The following PHKB variants were observed in gnomAD, a reference collection of about 807,000 sequenced individuals.
The protein encoded by PHKB is phosphorylase kinase regulatory subunit beta.
Under a neutral mutation model 152.1 loss-of-function variants are expected in PHKB, and 122 were observed. The ratio of observed to expected loss-of-function variants is 0.80; its 90% CI spans 0.69 to 0.93. The LOEUF (loss-of-function observed/expected upper bound fraction) is 0.93, where lower values mean the gene tolerates loss of function less well. Among genes scored for constraint, PHKB ranks in the 40% least tolerant of loss-of-function variants. PHKB has a pLI of 0.00. For missense variants in PHKB, 1,304 were observed against 1,328.4 expected (o/e 0.98, Z 0.29); for synonymous variants, 436 against 464.9 (o/e 0.94, Z 0.80).
intron 7 of PHKB, among the ~76,000 whole-genome samples, chr16:47,558,135 C>CG (rs1567305737): frequency 6.8e-6 from 1 of 148,038 alleles, no homozygotes. Flanking sequence ...ATCGCAAGGA[C>CG]AAAAAACCAA....
rs997095640 is a variant in PHKB, at chr16:47,617,384, A to G, written c.1458+6464A>G. 2.0e-5 allele frequency among the ~76,000 whole-genome samples: 3 copies of G among 151,776 alleles called. No individual in the cohort carries two copies. The East Asian group carries it at 5.8e-4, about 29-fold the overall frequency. On this transcript the variant is annotated intron_variant, in intron 14 of 30. Coordinates refer to ENST00000323584, the MANE Select transcript of PHKB (RefSeq NM_000293.3). The stretch of plus-strand genomic sequence containing the variant: ...CATTGTAGCTATTGCCTCTATGTAT[A>G]TGAAAACCTTTTTTATCATCCTCAA...
At chr16:47,532,731 G>C (rs762608683) in intron 6 of PHKB, among the ~76,000 whole-genome samples, 5 of 152,372 alleles carry the variant, frequency 3.3e-5, no homozygotes, top group South Asian at 2.1e-4. Flanking sequence ...ACCCCAAAGA[G>C]GGAGTCAGCC....
intron 10 of PHKB, among the ~76,000 whole-genome samples, chr16:47,592,423 ATACTGAATTGCTGGTAGATTCTTT>A (rs1972044236): frequency 6.6e-6 from 1 of 152,222 alleles, no homozygotes; most frequent in Non-Finnish European, 1.5e-5. Context: ...TATTGCAGAA[ATACTGAATTGCTGGTAGATTCTTT>A]AACATACTTT....
intron 29 of PHKB, among the ~76,000 whole-genome samples, chr16:47,697,902 G>C (rs1393766671): frequency 6.6e-6 from 1 of 152,212 alleles, no homozygotes; most frequent in Non-Finnish European, 1.5e-5. Context: ...ACAGGGGTCA[G>C]AGTTAAACAT....
intron 16 of PHKB, among the ~76,000 whole-genome samples, chr16:47,647,278 C>T (rs1973147360): frequency 6.6e-6 from 1 of 152,018 alleles, no homozygotes; most frequent in African/African-American, 2.4e-5. Flanking sequence ...CATGTGTCAC[C>T]ACGCCCGGCT....
intron 6 of PHKB, among the ~76,000 whole-genome samples, chr16:47,533,477 G>A (rs1382865632): frequency 6.6e-6 from 1 of 152,194 alleles, no homozygotes; most frequent in East Asian, 1.9e-4. Flanking sequence ...AGGGCCTGCA[G>A]GCCAGTGCCA....
intron 14 of PHKB, chr16:47,618,996 G>C (rs185496892): frequency 5.9e-5 from 9 of 152,314 alleles, no homozygotes; most frequent in Admixed American, 3.9e-4. Flanking sequence ...CCAGAGAATA[G>C]AAGTGATAGA....
intron 23 of PHKB, among the ~76,000 whole-genome samples, chr16:47,662,335 A>G (rs1394553656): frequency 6.6e-6 from 1 of 152,214 alleles, no homozygotes; most frequent in Non-Finnish European, 1.5e-5. Context: ...TCACACTTGC[A>G]TGTGGAGTCA....
At chr16:47,666,010 A>C (rs1050304) in intron 25 of PHKB, 3 of 1,613,142 alleles carry the variant, frequency 1.9e-6, no homozygotes, top group Non-Finnish European at 2.5e-6. Context: ...TCCATTACTA[A>C]TGTTTTAGTG....
chr16:47,572,846 T>G (rs1276981130), intron 7 of PHKB, among the ~76,000 whole-genome samples: 1 of 152,138 alleles, frequency 6.6e-6, no homozygotes, highest in Non-Finnish European at 1.5e-5. Context: ...ATGCAAAAGT[T>G]TTCTCCTTCC....
In PHKB at chr16:47,473,862, T is replaced by G. The variant is rs550901738; in HGVS notation, c.76+12436T>G. On this transcript the variant is annotated intron_variant, in intron 1 of 30. Transcript: ENST00000323584. Reference sequence around the variant, plus strand: ...ATCTGGCCCCTCACATACTTACTATTTTTTCGTAATGAAAACATTTAAAGT... The same window carrying G: ...ATCTGGCCCCTCACATACTTACTATGTTTTCGTAATGAAAACATTTAAAGT... Among the ~76,000 whole-genome samples the G allele has an allele frequency of 4.3e-4, 65 of 152,330 alleles. 1 individual carries two copies. Among genetic ancestry groups the G allele is most frequent in the Middle Eastern group, 3.4e-3 (1 of 294 alleles).
At chr16:47,651,776 A>G (rs1442787681) in intron 20 of PHKB, among the ~76,000 whole-genome samples, 1 of 152,214 alleles carries the variant, frequency 6.6e-6, no homozygotes. Flanking sequence ...GCATGTTTAT[A>G]TACTCATTCC....
At chr16:47,580,595 G>C (rs952164440) in intron 8 of PHKB, among the ~76,000 whole-genome samples, 2 of 144,114 alleles carry the variant, frequency 1.4e-5, no homozygotes, top group African/African-American at 5.1e-5. Flanking sequence ...TTTTGATAAA[G>C]AATTCTGATT....
At chr16:47,589,530 C>G (rs1428602239) in intron 10 of PHKB, among the ~76,000 whole-genome samples, 1 of 152,090 alleles carries the variant, frequency 6.6e-6, no homozygotes, top group Non-Finnish European at 1.5e-5. Context: ...TTCTATTAAG[C>G]AAATTCTTTT....
chr16:47,653,891 A>C (rs926824368), intron 20 of PHKB, among the ~76,000 whole-genome samples: 5 of 152,224 alleles, frequency 3.3e-5, no homozygotes, highest in African/African-American at 1.2e-4. Flanking sequence ...TGGCAATTTC[A>C]TATGGTTAAG....
chr16:47,613,279 ACAGGCTTC>A (rs1972459958), intron 14 of PHKB, among the ~76,000 whole-genome samples: 1 of 152,238 alleles, frequency 6.6e-6, no homozygotes. Context: ...GAACCTCAGC[ACAGGCTTC>A]CAAGTGTCTT....
At chr16:47,637,826 G>C (rs1271379802) in intron 14 of PHKB, among the ~76,000 whole-genome samples, 1 of 152,184 alleles carries the variant, frequency 6.6e-6, no homozygotes, top group East Asian at 1.9e-4. Flanking sequence ...ATCAACATCA[G>C]AAATTTATTT....
At chr16:47,496,595 A>T (rs1426082871) in intron 1 of PHKB, among the ~76,000 whole-genome samples, 1 of 152,158 alleles carries the variant, frequency 6.6e-6, no homozygotes, top group African/African-American at 2.4e-5. Flanking sequence ...TGAGATGTTT[A>T]TAATTTCTGA....
At chr16:47,580,689 A>T (rs1012433943) in intron 8 of PHKB, among the ~76,000 whole-genome samples, 1 of 151,528 alleles carries the variant, frequency 6.6e-6, no homozygotes, top group South Asian at 2.1e-4. Context: ...GGCATTGTAT[A>T]TATATATTTT....
Sources: allele counts gnomAD v4.1 joint callset (sites outside exome capture counted in the v4.1 genomes callset), GRCh38; gene constraint gnomAD v4.1.1; transcripts MANE v1.5; gene names NCBI Gene and HGNC (gene_info 2026-07-23, HGNC 2026-07-21).